The following PTRHD1 variants were observed in gnomAD, a reference collection of about 807,000 sequenced individuals.
PTRHD1 encodes putative peptidyl-tRNA hydrolase PTRHD1.
Under a neutral mutation model 13.6 loss-of-function variants are expected in PTRHD1, and 12 were observed. The ratio of observed to expected loss-of-function variants is 0.88; its 90% CI spans 0.57 to 1.43. The LOEUF is 1.43. Among genes scored for constraint, PTRHD1 ranks in the 40% most tolerant of loss-of-function variants. The pLI is 0.00. For missense variants in PTRHD1, 203 were observed against 184.7 expected (o/e 1.10, Z -0.57); for synonymous variants, 86 against 79.5 (o/e 1.08, Z -0.43).
intron 1 of PTRHD1, chr2:24,792,589 C>T (rs1665659099): frequency 6.5e-6 from 1 of 154,826 alleles, no homozygotes; most frequent in Non-Finnish European, 1.4e-5. Flanking sequence ...ACATCTCTAG[C>T]AGCAGGATAG....
At chr2:24,792,712 GT>G (rs780449712) in intron 1 of PTRHD1, 2 of 194,012 alleles carry the variant, frequency 1.0e-5, no homozygotes, top group Non-Finnish European at 2.2e-5. Context: ...CTGAAGCTAG[GT>G]TCAATTTATA....
At chr2:24,793,059 G>A in intron 1 of PTRHD1, 67 bp downstream of exon 1, 2 of 1,542,958 alleles carry the variant, frequency 1.3e-6, no homozygotes, top group Non-Finnish European at 1.7e-6. Flanking sequence ...CAGGCCTTCG[G>A]ACCGAAGACC....
At chr2:24,791,125 A>G (rs1035230197) in intron 1 of PTRHD1, among the ~76,000 whole-genome samples, 2 of 152,026 alleles carry the variant, frequency 1.3e-5, no homozygotes, top group African/African-American at 4.8e-5. Context: ...GGGTTTCACC[A>G]TGTTGCCCAG....
rs754437301 is a variant in PTRHD1, at chr2:24,793,383, G to C, written c.-6C>G. 6.2e-7 allele frequency: 1 copy of C among 1,613,030 alleles called. No individual in the cohort carries two copies. The highest frequency in any genetic ancestry group is 8.5e-7 in the Non-Finnish European group (1 of 1,179,656). On this transcript the variant is annotated 5_prime_UTR_variant, in exon 1 of 2. The change creates a new upstream start codon in the 5' untranslated region. Coordinates refer to ENST00000328379, the MANE Select transcript of PTRHD1 (RefSeq NM_001013663.2). The stretch of plus-strand genomic sequence containing the variant: ...GGACCTACTCCCCGGTGCATCTTGG[G>C]ATCAGGGCGGGGCCCTGAGCGCCGC...
intron 1 of PTRHD1, 36 bp downstream of exon 1, chr2:24,793,090 T>A (rs185625753): frequency 5.6e-6 from 9 of 1,595,524 alleles, no homozygotes; most frequent in Middle Eastern, 3.8e-4. Context: ...CCGCCCTCGA[T>A]GTCTCAGCAC....
rs971719210 is a variant in PTRHD1, at chr2:24,790,706, C to T, written c.253-125G>A. ...AACAGCTTTACCAAGGAGGGAGCTG[C>T]AGAGCAATGATGTCATTCCGTGGTG... On this transcript the variant is annotated intron_variant, in intron 1 of 1. Coordinates refer to ENST00000328379, the MANE Select transcript of PTRHD1 (RefSeq NM_001013663.2). The T allele has an allele frequency of 4.8e-5, 38 of 790,616 alleles. No homozygotes were observed. In the East Asian group the frequency reaches 8.9e-4, roughly 18 times the overall value. The allele number at this position is 790,616 out of a possible 1,614,324, so 49.0% of individuals were successfully genotyped here.
rs1665688418 is a variant in PTRHD1, at chr2:24,793,258, G to C, written c.120C>G (p.Phe40Leu). The change falls in exon 1 of 2, where the codon TTC (phenylalanine) becomes TTG (leucine). Residue 40 changes from phenylalanine (F) to leucine (L), a missense_variant. Transcript: ENST00000328379. ...VLRKDLSQAP[F>L]SWPAGALVAQ... ...CTACCAGTGCGCCCGCCGGCCAGGA[G>C]AACGGAGCTTGTGATAGATCCTTTC... 1 of 1,613,850 alleles carries C rather than the reference G, an allele frequency of 6.2e-7. No individual in the cohort carries two copies. The highest frequency in any genetic ancestry group is 8.5e-7 in the Non-Finnish European group (1 of 1,180,052).
In PTRHD1 at chr2:24,793,231, C is replaced by T. The variant is rs778486774; in HGVS notation, c.147G>A (p.Ala49=). The change falls in exon 1 of 2, where the codon GCG becomes GCA. Residue 49 remains alanine (A), a synonymous_variant. Coordinates refer to ENST00000328379, the MANE Select transcript of PTRHD1 (RefSeq NM_001013663.2). ...CCGCGGTGGCCGCGTGACAAGCCTG[C>T]GCTACCAGTGCGCCCGCCGGCCAGG... ...PFSWPAGALV[A]QACHAATAAL... The T allele has an allele frequency of 5.6e-6, 9 of 1,613,430 alleles. No homozygotes were observed. In the Admixed American group the frequency reaches 1.2e-4, roughly 21 times the overall value.
At position 24,789,753 on chromosome 2, in the gene PTRHD1, A is replaced by G. The variant is rs944001367; in HGVS notation, c.*658T>C. ...TGTAGTACTTGACAGATTTCATTGA[A>G]TCTAATAAATCTGTATGTATGTACA... On this transcript the variant is annotated 3_prime_UTR_variant, in exon 2 of 2. Transcript: ENST00000328379. The G allele has an allele frequency of 2.0e-5, 3 of 152,276 alleles. No individual in the cohort carries two copies. Among genetic ancestry groups the G allele is most frequent in the Admixed American group, 6.5e-5 (1 of 15,286 alleles). 9.4% of individuals were successfully genotyped at this position (152,276 alleles called of 1,614,324 possible).
At chr2:24,792,805 C>T (rs1373036765) in intron 1 of PTRHD1, 1 of 453,314 alleles carries the variant, frequency 2.2e-6, no homozygotes, top group Non-Finnish European at 4.0e-6. Flanking sequence ...TTGCACTGTC[C>T]CTTCGGGCTC....
At position 24,790,549 on chromosome 2, in the gene PTRHD1, G is replaced by C. The variant is rs149361405; in HGVS notation, c.285C>G (p.Ala95=). The change falls in exon 2 of 2, where the codon GCC becomes GCG. Residue 95 remains alanine, a synonymous_variant. Transcript: ENST00000328379. The stretch of plus-strand genomic sequence containing the variant: ...CAATGTTCTTCTGTTGCAGGGTCTC[G>C]GCCAGCTCCTTTAGGGTGGTCTCAT... ...APDETTLKEL[A]ETLQQKNIDH... 1 of 1,614,036 alleles carries C rather than the reference G, an allele frequency of 6.2e-7. No homozygotes were observed. The highest frequency in any genetic ancestry group is 1.7e-4 in the Middle Eastern group (1 of 6,036).
chr2:24,791,994 C>T (rs1665637714), intron 1 of PTRHD1, among the ~76,000 whole-genome samples: 1 of 152,214 alleles, frequency 6.6e-6, no homozygotes, highest in African/African-American at 2.4e-5. Context: ...AGGGGAGTCA[C>T]TTAATCCCTG....
chr2:24,792,127 G>T (rs1430369661), intron 1 of PTRHD1, among the ~76,000 whole-genome samples: 2 of 152,194 alleles, frequency 1.3e-5, no homozygotes, highest in Non-Finnish European at 2.9e-5. Context: ...AGATTCTCAA[G>T]GCATTTTTCC....
Position 24,793,142 on chromosome 2 carries a change from CG to C in PTRHD1, c.235del (p.Arg79AlafsTer13). The C allele has an allele frequency of 6.2e-7, 1 of 1,612,744 alleles. No homozygotes were observed. Among genetic ancestry groups the C allele is most frequent in the Non-Finnish European group, 8.5e-7 (1 of 1,179,494 alleles). Reference sequence around the variant, plus strand: ...GTGCCTCACCTCGAGGACCACTTTGCGCATGCGCCCCAGCTCTTGGAGGTAA... The same window carrying C: ...GTGCCTCACCTCGAGGACCACTTTGCCATGCGCCCCAGCTCTTGGAGGTAA... ...AAYLQELGRM[R>X]KVVLEAPDET... On this transcript the variant is annotated frameshift_variant, in exon 1 of 2. Transcript: ENST00000328379. LOFTEE classifies it high-confidence loss of function.
intron 1 of PTRHD1, among the ~76,000 whole-genome samples, chr2:24,790,962 C>A (rs6747641): frequency 6.7e-6 from 1 of 149,348 alleles, no homozygotes; most frequent in African/African-American, 2.5e-5. Context: ...CTTGCTCTGT[C>A]GCCTGGGCTA....
Position 24,793,135 on chromosome 2 carries a change from C to G in PTRHD1, c.243G>C (p.Val81=), listed in dbSNP as rs147683338. The G allele has an allele frequency of 6.2e-7, 1 of 1,612,304 alleles. No individual in the cohort carries two copies. Residue 81 remains valine (V), a synonymous_variant, in exon 1 of 2, where the codon GTG becomes GTC. Coordinates refer to ENST00000328379, the MANE Select transcript of PTRHD1 (RefSeq NM_001013663.2). ...CGCCCGAGTGCCTCACCTCGAGGAC[C>G]ACTTTGCGCATGCGCCCCAGCTCTT... ...YLQELGRMRK[V]VLEAPDETTL... is the part of the protein sequence containing the mutation.
At chr2:24,793,024 T>A (rs1023163329) in intron 1 of PTRHD1, 102 bp downstream of exon 1, 4 of 1,377,084 alleles carry the variant, frequency 2.9e-6, no homozygotes, top group Non-Finnish European at 3.9e-6. Flanking sequence ...TCACCCCAAC[T>A]CCCGCCGCAC....
rs150693486 is a variant in PTRHD1, at chr2:24,790,536, G to A, written c.298C>T (p.Gln100Ter). Residue 100 changes from glutamine to a stop codon, truncating the protein, a stop_gained, in exon 2 of 2, where the codon CAG (glutamine) becomes TAG (stop). Transcript: ENST00000328379. LOFTEE classifies it high-confidence loss of function. ...TLKELAETLQ[Q>*]KNIDHMLWLE... The stretch of plus-strand genomic sequence containing the variant: ...CACAGCATGTGGTCAATGTTCTTCT[G>A]TTGCAGGGTCTCGGCCAGCTCCTTT... 4 of 1,614,064 alleles carry A rather than the reference G, an allele frequency of 2.5e-6. No individual in the cohort carries two copies. The highest frequency in any genetic ancestry group is 2.5e-6 in the Non-Finnish European group (3 of 1,180,042).
intron 1 of PTRHD1, 114 bp from the exon 2 acceptor site, chr2:24,790,695 G>A: frequency 1.1e-6 from 1 of 891,240 alleles, no homozygotes; most frequent in Non-Finnish European, 1.7e-6. Flanking sequence ...GCTTTACCAA[G>A]GAGGGAGCTG....
Sources: gnomAD v4.1 joint callset for allele counts (sites outside exome capture counted in the v4.1 genomes callset) on GRCh38, gnomAD v4.1.1 for gene constraint, MANE v1.5 for transcripts, NCBI Gene and HGNC (gene_info 2026-07-23, HGNC 2026-07-21) for gene names.